The following SCUBE2 variants were observed in gnomAD, a reference collection of about 807,000 sequenced individuals.
SCUBE2 encodes the protein signal peptide, CUB and EGF-like domain-containing protein 2.
Under a neutral mutation model 125.9 loss-of-function variants are expected in SCUBE2, and 114 were observed. That is an observed-to-expected ratio of 0.91 (90% confidence interval 0.78 to 1.06). SCUBE2 has a LOEUF of 1.06. Ranked by LOEUF, SCUBE2 falls within the 50% of genes least tolerant of loss-of-function variation. SCUBE2 has a pLI of 0.00. For synonymous variants in SCUBE2, 459 were observed against 492.9 expected, an observed-to-expected ratio of 0.93 and a Z score of 0.91; for missense variants, 1,255 against 1,301.8, an observed-to-expected ratio of 0.96 and a Z score of 0.55.
intron 7 of SCUBE2, among the ~76,000 whole-genome samples, chr11:9,061,403 T>TA (rs1389885802): frequency 6.6e-6 from 1 of 151,626 alleles, no homozygotes; most frequent in Non-Finnish European, 1.5e-5. Flanking sequence ...ACACAAATTT[T>TA]AAAAAATTAG....
intron 18 of SCUBE2, 58 bp downstream of exon 18, chr11:9,030,700 C>G (rs1856228606): frequency 1.3e-6 from 2 of 1,548,800 alleles, no homozygotes; most frequent in Non-Finnish European, 8.8e-7. Flanking sequence ...CACGAGACTC[C>G]CATGATACTT....
At chr11:9,059,216 A>AAGCC (rs1157381251) in intron 9 of SCUBE2, 87 bp downstream of exon 9, 1 of 1,499,750 alleles carries the variant, frequency 6.7e-7, no homozygotes, top group Non-Finnish European at 9.0e-7. Flanking sequence ...GAAGCCTGAT[A>AAGCC]AGCCAGTCTC....
At chr11:9,022,105 C>G in intron 21 of SCUBE2, 150 bp from the exon 22 acceptor site, 1 of 606,570 alleles carries the variant, frequency 1.6e-6, no homozygotes, top group Non-Finnish European at 3.0e-6. Context: ...CAGAAGAAAA[C>G]TTCCACAGAC....
intron 16 of SCUBE2, among the ~76,000 whole-genome samples, chr11:9,037,766 G>A (rs1388612302): frequency 6.6e-6 from 1 of 152,194 alleles, no homozygotes; most frequent in Non-Finnish European, 1.5e-5. Context: ...CATTGTCCAG[G>A]TTTTTGACCT....
chr11:9,077,976 C>T (rs936130144), intron 3 of SCUBE2, among the ~76,000 whole-genome samples: 4 of 152,220 alleles, frequency 2.6e-5, no homozygotes, highest in East Asian at 1.9e-4. Flanking sequence ...TACTACCCCC[C>T]GCCACCCCGG....
rs11474890 is a variant in SCUBE2 at position 9,053,990 on chromosome 11, C to CTTTTTTTTTTTTTTTTTTTTTTTTTTT, written c.1208-232_1208-231insAAAAAAAAAAAAAAAAAAAAAAAAAAA. ...CAATAGGGCCTTCTCAAGCTCCACT[C>CTTTTTTTTTTTTTTTTTTTTTTTTTTT]TTTTTTTTTTTTTTTTTTTTTTTGA... On this transcript the variant is annotated intron_variant, in intron 10 of 22. Coordinates refer to ENST00000649792, the MANE Select transcript of SCUBE2 (RefSeq NM_001367977.2). Among the ~76,000 whole-genome samples, 2 of 75,064 alleles carry CTTTTTTTTTTTTTTTTTTTTTTTTTTT rather than the reference C, an allele frequency of 2.7e-5. 1 individual carries two copies. 49.2% of individuals were successfully genotyped at this position (75,064 alleles called of 152,430 possible).
intron 9 of SCUBE2, among the ~76,000 whole-genome samples, chr11:9,056,585 G>T (rs572372491): frequency 1.8e-4 from 28 of 152,280 alleles, no homozygotes; most frequent in African/African-American, 6.3e-4. Flanking sequence ...AGTCCTATGA[G>T]TCTGCTAGCC....
chr11:9,083,472 G>C (rs937259149), intron 2 of SCUBE2, among the ~76,000 whole-genome samples: 2 of 152,104 alleles, frequency 1.3e-5, no homozygotes, highest in Non-Finnish European at 2.9e-5. Context: ...ACTGAACAAA[G>C]AGGTAAACAC....
At chr11:9,042,258 C>T (rs1222887267) in intron 16 of SCUBE2, among the ~76,000 whole-genome samples, 5 of 152,264 alleles carry the variant, frequency 3.3e-5, no homozygotes, top group East Asian at 1.9e-4. Flanking sequence ...TGTCACTCAG[C>T]GGCAGCATCC....
At chr11:9,055,948 C>T (rs766854486) in intron 9 of SCUBE2, 39 bp from the exon 10 acceptor site, 1 of 1,491,970 alleles carries the variant, frequency 6.7e-7, no homozygotes, top group African/African-American at 1.4e-5. Context: ...GAAACCCACT[C>T]TGAGGGATGA....
rs188541708 is a variant in SCUBE2 at position 9,082,726 on chromosome 11, A to G, written c.257-3217T>C. Among the ~76,000 whole-genome samples the G allele has an allele frequency of 4.5e-4, 69 of 152,342 alleles. 2 individuals are homozygous for G. In the East Asian group the frequency reaches 0.013, roughly 28 times the overall value. On this transcript the variant is annotated intron_variant, in intron 2 of 22. Transcript: ENST00000649792. ...TAAGTGAAAGAATCCAACACAAAAG[A>G]CCGCATATTGTATGATTCCACTTAC...
intron 3 of SCUBE2, among the ~76,000 whole-genome samples, chr11:9,077,621 C>G (rs1437658413): frequency 2.0e-5 from 3 of 152,184 alleles, no homozygotes; most frequent in Admixed American, 6.5e-5. Context: ...ACTGGGTCAG[C>G]CCTTTCAAAT....
At chr11:9,063,189 T>C (rs971174485) in intron 7 of SCUBE2, among the ~76,000 whole-genome samples, 2 of 152,012 alleles carry the variant, frequency 1.3e-5, no homozygotes, top group Non-Finnish European at 2.9e-5. Context: ...GAGGTTGTAG[T>C]GAACCAAGAT....
chr11:9,047,471 C>A lies in SCUBE2; in HGVS notation c.1887G>T (p.Gln629His). 2 of 1,614,080 alleles carry A rather than the reference C, an allele frequency of 1.2e-6. No homozygotes were observed. Among genetic ancestry groups the A allele is most frequent in the East Asian group, 4.5e-5 (2 of 44,866 alleles). Reference sequence around the variant, plus strand: ...TCATGCCTGAGAGCTGGAGGTGAAACTGCTCCCTGTGGACGGCCTTTCTGA... The same window carrying A: ...TCATGCCTGAGAGCTGGAGGTGAAAATGCTCCCTGTGGACGGCCTTTCTGA... ...RTLRKAVHRE[Q>H]FHLQLSGMNL... Residue 629 changes from glutamine (Q) to histidine (H), a missense_variant, in exon 16 of 23, where the codon CAG becomes CAT. This residue lies in a region of SCUBE2 where 515 missense variants were observed against 515.7 expected (regional missense o/e 1.00). Coordinates refer to ENST00000649792, the MANE Select transcript of SCUBE2 (RefSeq NM_001367977.2).
intron 21 of SCUBE2, among the ~76,000 whole-genome samples, chr11:9,023,317 T>C (rs1285465603): frequency 6.6e-6 from 1 of 152,272 alleles, no homozygotes. Context: ...TCACAATTAC[T>C]AATTCGATAT....
In SCUBE2 at chr11:9,085,598, C is replaced by T. The variant is rs543204941; in HGVS notation, c.256+4109G>A. On this transcript the variant is annotated intron_variant, in intron 2 of 22. Coordinates refer to ENST00000649792, the MANE Select transcript of SCUBE2 (RefSeq NM_001367977.2). ...AAAATTAGCCAGGCGTGGTGGTGGG[C>T]GCCTGTAGTCCCAGCTACTGGGGAG... Among the ~76,000 whole-genome samples the T allele has an allele frequency of 2.9e-3, 446 of 151,922 alleles. 1 individual carries two copies. The highest frequency in any genetic ancestry group is 0.01 in the African/African-American group (425 of 41,448).
intron 2 of SCUBE2, among the ~76,000 whole-genome samples, chr11:9,082,395 C>T (rs1448004552): frequency 1.3e-5 from 2 of 151,700 alleles, no homozygotes; most frequent in African/African-American, 4.8e-5. Flanking sequence ...GTGTGATATC[C>T]AAGAAATTAT....
chr11:9,091,442 C>A lies in SCUBE2; in HGVS notation c.87G>T (p.Ala29=). The change falls in exon 1 of 23, where the codon GCG becomes GCT. Residue 29 remains alanine, a synonymous_variant. Coordinates refer to ENST00000649792, the MANE Select transcript of SCUBE2 (RefSeq NM_001367977.2). This position sits in a 1 kb window ranked among gnomAD's most constrained non-coding sequence, Gnocchi z 8.5. ...GGCCCCGACCCGGCGGGACGGCCCC[C>A]GCCAGCAGCAGCAGTGGCGGCAGCA... ...LLLLPPLLLL[A]GAVPPGRGRA... The A allele has an allele frequency of 1.5e-6, 2 of 1,337,574 alleles. No individual in the cohort carries two copies. The highest frequency in any genetic ancestry group is 1.9e-6 in the Non-Finnish European group (2 of 1,047,518). 82.9% of individuals were successfully genotyped at this position (1,337,574 alleles called of 1,614,324 possible).
At chr11:9,071,599 C>G (rs1187655384) in intron 4 of SCUBE2, among the ~76,000 whole-genome samples, 2 of 152,316 alleles carry the variant, frequency 1.3e-5, no homozygotes, top group South Asian at 4.1e-4. Flanking sequence ...CTGGTTGTCA[C>G]GTCCAGGATG....
Sources: gnomAD v4.1 joint callset for allele counts (sites outside exome capture counted in the v4.1 genomes callset) on GRCh38, gnomAD v4.1.1 for gene constraint, gnomAD v4.1.1 regional missense constraint, Gnocchi (gnomAD v3.1) non-coding constraint, MANE v1.5 for transcripts, NCBI Gene and HGNC (gene_info 2026-07-23, HGNC 2026-07-21) for gene names.